GBP1: variants seen among roughly 807,000 people sequenced by gnomAD.
The protein encoded by GBP1 is guanylate binding protein 1.
A neutral mutation model predicts 69.5 loss-of-function variants in GBP1; 64 were observed. The ratio of observed to expected loss-of-function variants is 0.92; its 90% confidence interval spans 0.75 to 1.13. GBP1 has a LOEUF of 1.13. Among genes scored for constraint, GBP1 ranks in the 50% most tolerant of loss-of-function variants. GBP1 has a pLI of 0.00. For missense variants in GBP1, 630 were observed against 704.1 expected, an observed-to-expected ratio of 0.89 and a Z score of 1.19; for synonymous variants, 250 against 261.2, an observed-to-expected ratio of 0.96 and a Z score of 0.41.
Position 89,052,692 on chromosome 1 carries a change from G to A in GBP1, c.*663C>T, listed in dbSNP as rs1229489075. 6.6e-6 allele frequency: 1 copy of A among 152,190 alleles called. No homozygotes were observed. The highest frequency in any genetic ancestry group is 1.5e-5 in the Non-Finnish European group (1 of 68,034). 9.4% of individuals were successfully genotyped at this position (152,190 alleles called of 1,614,324 possible). ...AGTGTCAATTGTCTAATGGTCTAAA[G>A]TGTCCCATTGAAGTTATAATCTGGA... On this transcript the variant is annotated 3_prime_UTR_variant, in exon 11 of 11. Coordinates refer to ENST00000370473, the MANE Select transcript of GBP1 (RefSeq NM_002053.3).
At chr1:89,061,151 A>G (rs1680186848) in intron 2 of GBP1, among the ~76,000 whole-genome samples, 1 of 152,188 alleles carries the variant, frequency 6.6e-6, no homozygotes, top group Non-Finnish European at 1.5e-5. Flanking sequence ...CCCTACCAAC[A>G]TTCCAATTAC....
chr1:89,052,533 C>T lies in GBP1; in HGVS notation c.*822G>A, dbSNP rs1392473013. On this transcript the variant is annotated 3_prime_UTR_variant, in exon 11 of 11. Coordinates refer to ENST00000370473, the MANE Select transcript of GBP1 (RefSeq NM_002053.3). Reference sequence around the variant, plus strand: ...AAGAGTTAGAAAAGACTATCATAAGCTTTAACATTCTAAATAATAAGTAAT... The same window carrying T: ...AAGAGTTAGAAAAGACTATCATAAGTTTTAACATTCTAAATAATAAGTAAT... 6.6e-6 allele frequency: 1 copy of T among 152,186 alleles called. No individual in the cohort carries two copies. Among genetic ancestry groups the T allele is most frequent in the Non-Finnish European group, 1.5e-5 (1 of 68,038 alleles). 9.4% of individuals were successfully genotyped at this position (152,186 alleles called of 1,614,324 possible). A position where few individuals can be genotyped will look rare whatever the true frequency, so the allele number is the denominator to read the frequency against.
Position 89,059,341 on chromosome 1 carries a change from T to A in GBP1, c.404A>T (p.Asn135Ile). The change falls in exon 4 of 11, where the codon AAC (asparagine) becomes ATC (isoleucine). Residue 135 changes from asparagine to isoleucine, a missense_variant. This residue lies in a region of GBP1 where 26 missense variants were observed against 54.9 expected (regional missense o/e 0.47). Transcript: ENST00000370473. The part of the protein sequence containing the change: ...TFVYNSIGTI[N>I]QQAMDQLYYV... The stretch of plus-strand genomic sequence containing the variant: ...CTACAGTTGGTCCATAGCCTGCTGG[T>A]TGATGGTTCCTATGCTATTGTACAC... 6.2e-7 allele frequency: 1 copy of A among 1,614,076 alleles called. No homozygotes were observed. Among genetic ancestry groups the A allele is most frequent in the Non-Finnish European group, 8.5e-7 (1 of 1,180,000 alleles).
chr1:89,055,351 T>A, intron 8 of GBP1, 136 bp from the exon 9 acceptor site: 1 of 1,444,564 alleles, frequency 6.9e-7, no homozygotes, highest in Non-Finnish European at 9.2e-7. Context: ...AAATTCCCTG[T>A]CGGAGCGACA....
intron 1 of GBP1, 28 bp from the exon 2 acceptor site, chr1:89,063,281 G>A (rs919025859): frequency 6.3e-7 from 1 of 1,586,374 alleles, no homozygotes; most frequent in South Asian, 1.1e-5. Flanking sequence ...AAATACATGA[G>A]AATTTCTAGT....
intron 8 of GBP1, 167 bp from the exon 9 acceptor site, chr1:89,055,382 C>G (rs528683325): frequency 9.6e-6 from 11 of 1,148,212 alleles, no homozygotes; most frequent in Non-Finnish European, 1.3e-5. Flanking sequence ...CCTGGCAAGC[C>G]GATCAGAACA....
chr1:89,055,370 C>T (rs1332078899), intron 8 of GBP1, 155 bp from the exon 9 acceptor site: 16 of 1,311,136 alleles, frequency 1.2e-5, no homozygotes, highest in African/African-American at 1.5e-5. Flanking sequence ...CAGACACATG[C>T]TCCTGGCAAG....
At chr1:89,057,746 G>T (rs1278070566) in intron 6 of GBP1, among the ~76,000 whole-genome samples, 2 of 143,086 alleles carry the variant, frequency 1.4e-5, no homozygotes, top group African/African-American at 5.0e-5. Context: ...TTGTCTAGGG[G>T]CTACTCTATT....
intron 1 of GBP1, among the ~76,000 whole-genome samples, chr1:89,064,240 TGAGAGAGA>T (rs34743787): frequency 0.017 from 1,707 of 99,568 alleles, 13 homozygotes; most frequent in Middle Eastern, 0.027. Flanking sequence ...TGTGTGTGTG[TGAGAGAGA>T]GAGAGAGAGA....
At chr1:89,062,277 A>G (rs1446971285) in intron 2 of GBP1, among the ~76,000 whole-genome samples, 1 of 152,246 alleles carries the variant, frequency 6.6e-6, no homozygotes. Context: ...GTCCATTGAC[A>G]GATGAAGAGA....
intron 7 of GBP1, 151 bp downstream of exon 7, chr1:89,056,703 T>G: frequency 1.1e-6 from 1 of 940,404 alleles, no homozygotes; most frequent in South Asian, 1.7e-5. Flanking sequence ...ATACAGTTGG[T>G]CCTTCTGACT....
intron 2 of GBP1, chr1:89,062,644 A>G (rs1266560827): frequency 6.0e-6 from 1 of 166,182 alleles, no homozygotes; most frequent in Non-Finnish European, 1.3e-5. Flanking sequence ...GTTAAATTTT[A>G]TTTTTTTTAC....
Position 89,059,135 on chromosome 1 carries a change from C to A in GBP1, c.429-92G>T, listed in dbSNP as rs1314609613. On this transcript the variant is annotated intron_variant, in intron 4 of 10. Transcript: ENST00000370473. ...TACCCAAACCTTCCATTTTCCTTTG[C>A]TCCTAACCTAAGTGTCAGTGTCAGT... The A allele has an allele frequency of 2.3e-5, 37 of 1,591,942 alleles. No individual in the cohort carries two copies. In the East Asian group the frequency reaches 6.2e-4, roughly 27 times the overall value.
intron 6 of GBP1, among the ~76,000 whole-genome samples, 177 bp from the exon 7 acceptor site, chr1:89,057,311 T>C (rs1378092238): frequency 1.3e-5 from 2 of 152,222 alleles, no homozygotes; most frequent in African/African-American, 4.8e-5. Flanking sequence ...TGAATTAGAC[T>C]TTTGTGTTTG....
rs1314142648 is a variant in GBP1 at position 89,052,486 on chromosome 1, A to C, written c.*869T>G. Reference sequence around the variant, plus strand: ...CATATTCTCTTCTGGGGAAACTCAGAAAGTTTTCAAGTATGAGTGTTAAGA... The same window carrying C: ...CATATTCTCTTCTGGGGAAACTCAGCAAGTTTTCAAGTATGAGTGTTAAGA... On this transcript the variant is annotated 3_prime_UTR_variant, in exon 11 of 11. Transcript: ENST00000370473. The C allele has an allele frequency of 2.0e-5, 3 of 152,222 alleles. No individual in the cohort carries two copies. Among genetic ancestry groups the C allele is most frequent in the East Asian group, 1.9e-4 (1 of 5,208 alleles). The allele number at this position is 152,222 out of a possible 1,614,324, so 9.4% of individuals were successfully genotyped here.
In GBP1 at chr1:89,059,370, G is replaced by A. The variant is rs773591785; in HGVS notation, c.375C>T (p.Thr125=). The A allele has an allele frequency of 5.6e-6, 9 of 1,613,964 alleles. No homozygotes were observed. Among genetic ancestry groups the A allele is most frequent in the Non-Finnish European group, 4.2e-6 (5 of 1,180,016 alleles). ...TGGTTCCTATGCTATTGTACACGAA[G>A]GTGCTGCTCAGGAGGACGGCCAGGG... ...IFALAVLLSS[T]FVYNSIGTIN... Residue 125 remains threonine, a synonymous_variant, in exon 4 of 11, where the codon ACC becomes ACT. Transcript: ENST00000370473.
chr1:89,057,170 G>A (rs1169239581), intron 6 of GBP1, 36 bp from the exon 7 acceptor site: 7 of 1,610,024 alleles, frequency 4.3e-6, no homozygotes, highest in Non-Finnish European at 5.9e-6. Flanking sequence ...GTTTCTGGTG[G>A]TAAAGAAAGT....
At chr1:89,056,745 T>A (rs761706480) in intron 7 of GBP1, 109 bp downstream of exon 7, 16 of 1,260,330 alleles carry the variant, frequency 1.3e-5, no homozygotes, top group Non-Finnish European at 1.8e-5. Context: ...TTTTCACCAT[T>A]ATGGAAGCTA....
In GBP1 at chr1:89,060,323, G is replaced by A. The variant is rs1224918099; in HGVS notation, c.192C>T (p.Gly64=). The A allele has an allele frequency of 6.3e-7, 1 of 1,581,288 alleles. No homozygotes were observed. Among genetic ancestry groups the A allele is most frequent in the Non-Finnish European group, 8.6e-7 (1 of 1,165,458 alleles). ...ACTGCACCGTGGAGCCCAGAGAGAA[G>A]CCTGCAAGGGAGAGAGGAGACCAGC... The part of the protein sequence containing the change: ...LMNKLAGKKK[G]FSLGSTVQSH... Residue 64 remains glycine, a splice_region_variant and synonymous_variant, in exon 3 of 11, where the codon GGC becomes GGT. Coordinates refer to ENST00000370473, the MANE Select transcript of GBP1 (RefSeq NM_002053.3).
Sources: gnomAD v4.1 joint callset for allele counts (sites outside exome capture counted in the v4.1 genomes callset) on GRCh38, gnomAD v4.1.1 for gene constraint, gnomAD v4.1.1 regional missense constraint, MANE v1.5 for transcripts, NCBI Gene and HGNC (gene_info 2026-07-23, HGNC 2026-07-21) for gene names.